Variants in UBE2V2 observed in about 807,000 individuals in gnomAD.
UBE2V2 encodes ubiquitin conjugating enzyme E2 V2.
UBE2V2 carries 9 observed loss-of-function variants against 17.2 expected under a neutral mutation model. The ratio of observed to expected loss-of-function variants is 0.52; its 90% CI spans 0.32 to 0.91. The LOEUF is 0.91. Ranked by LOEUF, UBE2V2 falls within the 40% of genes least tolerant of loss-of-function variation. The pLI, the probability that UBE2V2 is intolerant of heterozygous loss-of-function variation, is 0.04. For synonymous variants in UBE2V2, 61 were observed against 57.5 expected (o/e 1.06, Z -0.28); for missense variants, 133 against 182.6 (o/e 0.73, Z 1.56).
chr8:48,038,398 A>C (rs2091438805), intron 1 of UBE2V2, among the ~76,000 whole-genome samples: 1 of 151,612 alleles, frequency 6.6e-6, no homozygotes, highest in Admixed American at 6.6e-5. Context: ...GCTTACTACA[A>C]CCTCTGCTTC....
At chr8:48,008,521 C>G in intron 1 of UBE2V2, 51 bp downstream of exon 1, 1 of 1,540,030 alleles carries the variant, frequency 6.5e-7, no homozygotes, top group Non-Finnish European at 8.7e-7. Context: ...CCGGCTCTGC[C>G]CCTCCGTCTG....
chr8:48,041,461 A>G (rs1030857224), intron 1 of UBE2V2, among the ~76,000 whole-genome samples: 1 of 152,112 alleles, frequency 6.6e-6, no homozygotes, highest in African/African-American at 2.4e-5. Context: ...CACACACAAA[A>G]TAACACAGCA....
At chr8:48,050,529 C>G (rs544931716) in intron 3 of UBE2V2, 5 of 152,130 alleles carry the variant, frequency 3.3e-5, no homozygotes, top group Non-Finnish European at 7.3e-5. Context: ...CTGTGCCTGG[C>G]CAAAAGTTTT....
intron 1 of UBE2V2, 133 bp from the exon 2 acceptor site, chr8:48,042,900 A>C: frequency 1.1e-6 from 1 of 888,886 alleles, no homozygotes; most frequent in Non-Finnish European, 1.5e-6. Flanking sequence ...CTGGAGCAGA[A>C]TGCTTTTTAA....
At chr8:47,998,624 G>T in the UBE2V2 span, among the ~76,000 whole-genome samples, 7 of 151,744 alleles carry the variant, frequency 4.6e-5, no homozygotes, top group African/African-American at 1.5e-4. Context: ...GACTTCGGCA[G>T]GTTCAGGGAA....
At chr8:48,046,684 C>T (rs148525428) in intron 2 of UBE2V2, among the ~76,000 whole-genome samples, 119 of 152,232 alleles carry the variant, frequency 7.8e-4, no homozygotes, top group African/African-American at 2.6e-3. Context: ...ACAGCCTGGA[C>T]CCCCTGGGCT....
chr8:48,030,740 G>C (rs971795948), intron 1 of UBE2V2, among the ~76,000 whole-genome samples: 9 of 151,730 alleles, frequency 5.9e-5, no homozygotes, highest in Non-Finnish European at 1.5e-5. Context: ...AACAAAAACT[G>C]GCTAGGCATG....
chr8:48,040,505 G>A (rs1229292156), intron 1 of UBE2V2, among the ~76,000 whole-genome samples: 1 of 152,090 alleles, frequency 6.6e-6, no homozygotes, highest in Non-Finnish European at 1.5e-5. Flanking sequence ...TATATGATAT[G>A]TCTGCTTTGG....
At position 48,061,887 on chromosome 8, in the gene UBE2V2, A is replaced by T. The variant is rs1802601277; in HGVS notation, c.*1059A>T. 1 of 152,168 alleles carries T rather than the reference A, an allele frequency of 6.6e-6. No individual in the cohort carries two copies. Among genetic ancestry groups the T allele is most frequent in the Admixed American group, 6.5e-5 (1 of 15,274 alleles). 9.4% of individuals were successfully genotyped at this position (152,168 alleles called of 1,614,324 possible). ...ATCCAAATATATATCCCATTTTTTA[A>T]AGCATAATATCTTTTTTAGTTGTTT... On this transcript the variant is annotated 3_prime_UTR_variant, in exon 4 of 4. Coordinates refer to ENST00000523111, the MANE Select transcript of UBE2V2 (RefSeq NM_003350.3).
intron 2 of UBE2V2, among the ~76,000 whole-genome samples, chr8:48,047,660 T>C (rs1476391681): frequency 6.6e-6 from 1 of 151,648 alleles, no homozygotes; most frequent in Non-Finnish European, 1.5e-5. Context: ...CGAGTTCAGG[T>C]GATTCTCCTG....
chr8:48,009,555 C>G (rs567944253), intron 1 of UBE2V2, among the ~76,000 whole-genome samples: 1 of 152,210 alleles, frequency 6.6e-6, no homozygotes, highest in East Asian at 1.9e-4. Context: ...TGTGAGCCAC[C>G]GCGCTCGGCC....
intron 1 of UBE2V2, chr8:48,042,529 ATTC>A (rs1328107414): frequency 1.4e-5 from 2 of 145,310 alleles, no homozygotes; most frequent in African/African-American, 5.0e-5. Flanking sequence ...TTCACTCCTC[ATTC>A]TTTTTTTTTT....
At chr8:48,013,599 G>A (rs1054352244) in intron 1 of UBE2V2, among the ~76,000 whole-genome samples, 2 of 152,078 alleles carry the variant, frequency 1.3e-5, no homozygotes, top group African/African-American at 2.4e-5. Context: ...GTGAGCCACC[G>A]CGCCCGGCCC....
chr8:48,044,564 C>T (rs567398085), intron 2 of UBE2V2, among the ~76,000 whole-genome samples: 3 of 152,260 alleles, frequency 2.0e-5, no homozygotes, highest in Admixed American at 1.3e-4. Flanking sequence ...AATTCATGCA[C>T]ACTCCTACAC....
In UBE2V2 at chr8:48,062,555, T is replaced by C. The variant is rs1585451552; in HGVS notation, c.*1727T>C. 1 of 141,436 alleles carries C rather than the reference T, an allele frequency of 7.1e-6. No individual in the cohort carries two copies. Among genetic ancestry groups the C allele is most frequent in the African/African-American group, 2.7e-5 (1 of 37,308 alleles). 8.8% of individuals were successfully genotyped at this position (141,436 alleles called of 1,614,324 possible). ...TGCAGTGCCGAGAGCGCACCACTGC[T>C]CCAGCCTGGGCAACAGAGCAAGACT... On this transcript the variant is annotated 3_prime_UTR_variant, in exon 4 of 4. Transcript: ENST00000523111.
chr8:48,007,541 A>C (rs568633832), upstream of UBE2V2, among the ~76,000 whole-genome samples: 1 of 151,900 alleles, frequency 6.6e-6, no homozygotes, highest in Non-Finnish European at 1.5e-5. Flanking sequence ...ATACCTAGGA[A>C]TACAACCTAC....
chr8:48,004,757 C>T (rs2091172885), upstream of UBE2V2, among the ~76,000 whole-genome samples: 2 of 151,882 alleles, frequency 1.3e-5, no homozygotes, highest in South Asian at 4.1e-4. Context: ...TATTGAATTC[C>T]CGACCTTGTG....
intron 1 of UBE2V2, among the ~76,000 whole-genome samples, chr8:48,030,283 A>T (rs925893332): frequency 6.6e-6 from 1 of 152,226 alleles, no homozygotes; most frequent in African/African-American, 2.4e-5. Flanking sequence ...CAGTTTATAC[A>T]TATTGAGAGA....
At chr8:48,019,643 C>T (rs977359169) in intron 1 of UBE2V2, among the ~76,000 whole-genome samples, 5 of 151,484 alleles carry the variant, frequency 3.3e-5, no homozygotes, top group African/African-American at 7.3e-5. Context: ...GGTGAAACCC[C>T]GTCTCTACTA....
Sources: allele counts gnomAD v4.1 joint callset (sites outside exome capture counted in the v4.1 genomes callset), GRCh38; gene constraint gnomAD v4.1.1; transcripts MANE v1.5; gene names NCBI Gene and HGNC (gene_info 2026-07-23, HGNC 2026-07-21).